POT1: variants seen among roughly 807,000 people sequenced by gnomAD.
POT1 encodes protection of telomeres protein 1.
A neutral mutation model predicts 78.5 loss-of-function variants in POT1; 47 were observed. The ratio of observed to expected loss-of-function variants is 0.60; its 90% CI spans 0.47 to 0.76. The LOEUF is 0.76. Ranked by LOEUF, POT1 falls within the 30% of genes least tolerant of loss-of-function variation. POT1 has a pLI of 0.00. For synonymous variants in POT1, 259 were observed against 260.7 expected (o/e 0.99, Z 0.06); for missense variants, 646 against 749.9 (o/e 0.86, Z 1.62).
intron 3 of POT1, among the ~76,000 whole-genome samples, chr7:124,914,972 C>T (rs1215985432): frequency 6.6e-6 from 1 of 151,994 alleles, no homozygotes; most frequent in African/African-American, 2.4e-5. Context: ...TATGCTCTAC[C>T]ACCTTAACTT....
rs1194384988 is a variant in POT1 at position 124,842,855 on chromosome 7, C to G, written c.1115G>C (p.Arg372Thr). ...IRAKLRSYKP[R>T]RLFQSVKLHC... Reference sequence around the variant, plus strand: ...AAGTTTAACAGACTGAAATAGTCTTCTGGGCTTATATGACCTCAATTTTGC... The same window carrying G: ...AAGTTTAACAGACTGAAATAGTCTTGTGGGCTTATATGACCTCAATTTTGC... Residue 372 changes from arginine (R) to threonine (T), a missense_variant, in exon 13 of 19, where the codon AGA (arginine) becomes ACA (threonine). Arg to Thr is a moderately conservative substitution (Grantham distance 71, BLOSUM62 -1). Transcript: ENST00000357628. 1 of 1,607,084 alleles carries G rather than the reference C, an allele frequency of 6.2e-7. No individual in the cohort carries two copies. The highest frequency in any genetic ancestry group is 1.3e-5 in the African/African-American group (1 of 74,616).
At chr7:124,926,356 T>A (rs953668761) in intron 2 of POT1, among the ~76,000 whole-genome samples, 33 of 152,026 alleles carry the variant, frequency 2.2e-4, no homozygotes, top group Non-Finnish European at 2.4e-4. Flanking sequence ...TAACTAATCA[T>A]CAGTAAAATG....
intron 7 of POT1, among the ~76,000 whole-genome samples, chr7:124,864,121 T>C (rs778202633): frequency 2.0e-5 from 3 of 152,176 alleles, no homozygotes; most frequent in Non-Finnish European, 4.4e-5. Context: ...TAAGCTCTTT[T>C]GCTTTCTGAA....
chr7:124,897,316 A>G (rs578159314), intron 4 of POT1, 104 bp from the exon 5 acceptor site: 1 of 402,352 alleles, frequency 2.5e-6, no homozygotes, highest in African/African-American at 2.1e-5. Context: ...AAAATATTCA[A>G]ATTCACTAGG....
At chr7:124,876,066 G>C (rs1795983044) in intron 6 of POT1, among the ~76,000 whole-genome samples, 1 of 152,104 alleles carries the variant, frequency 6.6e-6, no homozygotes, top group Admixed American at 6.6e-5. Context: ...TGTAATTATG[G>C]AGCAAAAACA....
chr7:124,894,106 C>T (rs892089206), intron 5 of POT1, among the ~76,000 whole-genome samples: 7 of 151,508 alleles, frequency 4.6e-5, no homozygotes, highest in Non-Finnish European at 1.0e-4. Flanking sequence ...GTGATCCCAA[C>T]ATCAAATGGA....
chr7:124,852,114 G>T (rs1795325661), intron 10 of POT1, among the ~76,000 whole-genome samples, 163 bp from the exon 11 acceptor site: 1 of 151,906 alleles, frequency 6.6e-6, no homozygotes, highest in Non-Finnish European at 1.5e-5. Context: ...GATTTTCCGG[G>T]GGTTCAAATT....
chr7:124,840,309 T>C (rs927446560), intron 14 of POT1, among the ~76,000 whole-genome samples: 3 of 151,576 alleles, frequency 2.0e-5, no homozygotes, highest in African/African-American at 7.3e-5. Context: ...AATGAAAAGG[T>C]TTCAAGGGAA....
At chr7:124,898,488 G>A (rs945648610) in intron 3 of POT1, 114 bp from the exon 4 acceptor site, 14 of 151,914 alleles carry the variant, frequency 9.2e-5, no homozygotes, top group African/African-American at 3.1e-4. Context: ...CCTCTATAAA[G>A]TAGAAAACTG....
intron 3 of POT1, among the ~76,000 whole-genome samples, chr7:124,903,973 T>C (rs1042265606): frequency 5.9e-5 from 9 of 152,046 alleles, no homozygotes; most frequent in African/African-American, 1.9e-4. Flanking sequence ...CAGGAAGAAG[T>C]TGAATCCCTG....
intron 10 of POT1, among the ~76,000 whole-genome samples, chr7:124,852,386 T>C (rs987879750): frequency 7.9e-5 from 12 of 152,180 alleles, no homozygotes; most frequent in African/African-American, 2.9e-4. Context: ...GTTTTCTCTT[T>C]GAAGATATGA....
chr7:124,833,262 G>A (rs1321885808), intron 15 of POT1, among the ~76,000 whole-genome samples: 1 of 152,098 alleles, frequency 6.6e-6, no homozygotes, highest in Non-Finnish European at 1.5e-5. Flanking sequence ...TATGTTGGAA[G>A]GACAGAGGGC....
intron 13 of POT1, among the ~76,000 whole-genome samples, chr7:124,842,073 G>T (rs771265597): frequency 1.3e-5 from 2 of 151,892 alleles, no homozygotes; most frequent in Non-Finnish European, 2.9e-5. Flanking sequence ...AATACATGGC[G>T]ATGTACATAG....
intron 11 of POT1, among the ~76,000 whole-genome samples, chr7:124,848,283 C>T (rs1040558516): frequency 3.3e-5 from 5 of 152,126 alleles, no homozygotes; most frequent in Non-Finnish European, 5.9e-5. Context: ...TAAACTCTAG[C>T]TAATTATGTT....
intron 8 of POT1, 107 bp downstream of exon 8, chr7:124,863,243 A>G: frequency 9.2e-7 from 1 of 1,082,692 alleles, no homozygotes; most frequent in South Asian, 1.6e-5. Flanking sequence ...TTAAGTTCCT[A>G]GTATAATACA....
chr7:124,833,573 T>C (rs1057507131), intron 15 of POT1, among the ~76,000 whole-genome samples: 1 of 152,242 alleles, frequency 6.6e-6, no homozygotes, highest in Non-Finnish European at 1.5e-5. Flanking sequence ...ATGAATTCTT[T>C]TATATTCCAA....
intron 6 of POT1, among the ~76,000 whole-genome samples, chr7:124,872,403 T>C (rs961795475): frequency 6.6e-6 from 1 of 152,152 alleles, no homozygotes; most frequent in African/African-American, 2.4e-5. Context: ...GATCTATAAA[T>C]ATTTAATGGA....
At chr7:124,903,896 G>A (rs985438577) in intron 3 of POT1, among the ~76,000 whole-genome samples, 9 of 152,118 alleles carry the variant, frequency 5.9e-5, no homozygotes, top group African/African-American at 1.4e-4. Context: ...ACACTTCTAC[G>A]CAAATAAACT....
intron 6 of POT1, among the ~76,000 whole-genome samples, chr7:124,890,800 G>GT (rs769367954): frequency 6.6e-6 from 1 of 151,818 alleles, no homozygotes; most frequent in Non-Finnish European, 1.5e-5. Flanking sequence ...GCTCAAGAGT[G>GT]TATTGTTTAA....
Sources: allele counts gnomAD v4.1 joint callset (sites outside exome capture counted in the v4.1 genomes callset), GRCh38; gene constraint gnomAD v4.1.1; transcripts MANE v1.5; gene names NCBI Gene and HGNC (gene_info 2026-07-23, HGNC 2026-07-21).